LSMEM2: variants seen among roughly 807,000 people sequenced by gnomAD.
LSMEM2 encodes the protein leucine-rich single-pass membrane protein 2.
LSMEM2 carries 20 observed loss-of-function variants against 17.3 expected under a neutral mutation model. The observed-to-expected ratio is 1.16, with a 90% CI of 0.81 to 1.68. LSMEM2 has a LOEUF of 1.68. Ranked by LOEUF, LSMEM2 falls within the 40% of genes most tolerant of loss-of-function variation. The pLI is 0.00. For missense variants in LSMEM2, 207 were observed against 214.3 expected (o/e 0.97, Z 0.21); for synonymous variants, 94 against 97.8 (o/e 0.96, Z 0.23).
chr3:50,278,622 G>A (rs587670746), upstream of LSMEM2, among the ~76,000 whole-genome samples: 5 of 152,308 alleles, frequency 3.3e-5, no homozygotes, highest in African/African-American at 1.2e-4. Flanking sequence ...TCATGGCATT[G>A]GGATTCAGTT....
chr3:50,280,283 T>C (rs1553707601), intron 1 of LSMEM2, among the ~76,000 whole-genome samples: 2 of 151,434 alleles, frequency 1.3e-5, no homozygotes, highest in Non-Finnish European at 2.9e-5. Flanking sequence ...GGCTCCCAAG[T>C]AGCTGGGATT....
At position 50,287,272 on chromosome 3, in the gene LSMEM2, T is replaced by C; in HGVS notation, c.*70T>C. On this transcript the variant is annotated 3_prime_UTR_variant, in exon 4 of 4. Coordinates refer to ENST00000316436, the MANE Select transcript of LSMEM2 (RefSeq NM_153215.3). Reference sequence around the variant, plus strand: ...AATAAAGTGGCTATGGGCAGGTCTCTCCTTCCCTACTGCTGGCTGCCACAT... The same window carrying C: ...AATAAAGTGGCTATGGGCAGGTCTCCCCTTCCCTACTGCTGGCTGCCACAT... 6.3e-7 allele frequency: 1 copy of C among 1,580,476 alleles called. No individual in the cohort carries two copies. Among genetic ancestry groups the C allele is most frequent in the South Asian group, 1.1e-5 (1 of 89,592 alleles).
At chr3:50,278,571 GCTGTT>G (rs879962392), upstream of LSMEM2, among the ~76,000 whole-genome samples, 15,888 of 152,198 alleles carry the variant, frequency 0.1, 905 homozygotes, top group African/African-American at 0.12. Flanking sequence ...CAGCATGGGT[GCTGTT>G]GGTGTATCTG....
intron 1 of LSMEM2, 104 bp from the exon 2 acceptor site, chr3:50,286,367 C>T: frequency 6.9e-7 from 1 of 1,447,606 alleles, no homozygotes; most frequent in Non-Finnish European, 9.1e-7. Context: ...AACCAAATGT[C>T]CCACTATCCC....
At chr3:50,283,817 A>C (rs1363266060) in intron 1 of LSMEM2, among the ~76,000 whole-genome samples, 1 of 151,998 alleles carries the variant, frequency 6.6e-6, no homozygotes, top group Non-Finnish European at 1.5e-5. Context: ...AAAAAGCAAA[A>C]ACTTCAATGA....
upstream of LSMEM2, among the ~76,000 whole-genome samples, chr3:50,278,351 C>T (rs782118041): frequency 5.9e-5 from 9 of 152,188 alleles, no homozygotes; most frequent in Non-Finnish European, 1.3e-4. Flanking sequence ...ACCTGTCTGC[C>T]CTTGTGGAGA....
intron 1 of LSMEM2, among the ~76,000 whole-genome samples, chr3:50,284,354 T>C (rs781844632): frequency 6.6e-6 from 1 of 152,040 alleles, no homozygotes; most frequent in Non-Finnish European, 1.5e-5. Context: ...TTTTTTCCTA[T>C]GGGGATGCCT....
chr3:50,286,048 C>T (rs1701513655), intron 1 of LSMEM2, among the ~76,000 whole-genome samples: 1 of 152,228 alleles, frequency 6.6e-6, no homozygotes, highest in South Asian at 2.1e-4. Context: ...GAACCAAGGC[C>T]AGGAGGGAAA....
At chr3:50,280,879 T>C (rs1176829607) in intron 1 of LSMEM2, among the ~76,000 whole-genome samples, 1 of 150,946 alleles carries the variant, frequency 6.6e-6, no homozygotes, top group Admixed American at 6.6e-5. Flanking sequence ...AGGTGTGAGC[T>C]ACCGCGCCCG....
rs781923861 is a variant in LSMEM2, at chr3:50,279,878, CT to C, written c.58+722del. 2.4e-3 allele frequency among the ~76,000 whole-genome samples: 343 copies of C among 144,030 alleles called. 1 individual carries two copies. The highest frequency in any genetic ancestry group is 3.1e-3 in the Admixed American group (45 of 14,352). The allele number at this position is 144,030 out of a possible 152,430, so 94.5% of individuals were successfully genotyped here. ...CAAGCTCCTCTTATCACATTTTCAA[CT>C]TTTTTTTTTTTTTTGAGATGGAATC... On this transcript the variant is annotated intron_variant, in intron 1 of 3. Transcript: ENST00000316436.
chr3:50,283,626 C>CAA lies in LSMEM2; in HGVS notation c.59-2823_59-2822dup, dbSNP rs782534727. ...TGGGCGGCAGAGCGAGACTCCATCT[C>CAA]AAAAAAAAAAAAAAAAAAAAAAATT... On this transcript the variant is annotated intron_variant, in intron 1 of 3. Transcript: ENST00000316436. Among the ~76,000 whole-genome samples, 187 of 53,326 alleles carry CAA rather than the reference C, an allele frequency of 3.5e-3. 1 individual carries two copies. The highest frequency in any genetic ancestry group is 9.8e-3 in the Middle Eastern group (1 of 102). The allele number at this position is 53,326 out of a possible 152,430, so 35.0% of individuals were successfully genotyped here. A position where few individuals can be genotyped will look rare whatever the true frequency, so the allele number is the denominator to read the frequency against.
At position 50,287,267 on chromosome 3, in the gene LSMEM2, G is replaced by A; in HGVS notation, c.*65G>A. ...GGGGGAATAAAGTGGCTATGGGCAG[G>A]TCTCTCCTTCCCTACTGCTGGCTGC... is the stretch of plus-strand genomic sequence containing the variant. On this transcript the variant is annotated 3_prime_UTR_variant, in exon 4 of 4. Coordinates refer to ENST00000316436, the MANE Select transcript of LSMEM2 (RefSeq NM_153215.3). The A allele has an allele frequency of 1.3e-6, 2 of 1,598,768 alleles. No individual in the cohort carries two copies. The highest frequency in any genetic ancestry group is 1.7e-6 in the Non-Finnish European group (2 of 1,168,694).
intron 1 of LSMEM2, among the ~76,000 whole-genome samples, chr3:50,279,513 G>A (rs1327966184): frequency 6.6e-6 from 1 of 152,240 alleles, no homozygotes; most frequent in Non-Finnish European, 1.5e-5. Context: ...TCTTAAGGAA[G>A]GAAGCTGGGA....
Position 50,286,346 on chromosome 3 carries a change from AG to A in LSMEM2, c.59-121del, listed in dbSNP as rs1357722330. The A allele has an allele frequency of 1.3e-5, 18 of 1,372,740 alleles. No homozygotes were observed. The Admixed American group carries it at 4.7e-4, about 36-fold the overall frequency. 85.0% of individuals were successfully genotyped at this position (1,372,740 alleles called of 1,614,324 possible). ...CAAGGGTAATTCCTGAGTCAGTTTTAGGGGATTTGGAACCAAATGTCCCACT... is the reference window on the plus strand; with the variant it reads ...CAAGGGTAATTCCTGAGTCAGTTTTAGGGATTTGGAACCAAATGTCCCACT... On this transcript the variant is annotated intron_variant, in intron 1 of 3. Coordinates refer to ENST00000316436, the MANE Select transcript of LSMEM2 (RefSeq NM_153215.3).
intron 1 of LSMEM2, among the ~76,000 whole-genome samples, chr3:50,281,351 C>A (rs782307783): frequency 6.9e-6 from 1 of 144,564 alleles, no homozygotes. Context: ...TGGGCCACTG[C>A]GCCCGGCCCT....
chr3:50,280,177 C>CTTTTTTT (rs10656924), intron 1 of LSMEM2, among the ~76,000 whole-genome samples: 100,143 of 117,340 alleles, frequency 0.85, 43,589 homozygotes, highest in East Asian at 0.97. Context: ...CTGGCCTCAA[C>CTTTTTTT]TTTTTTTTTT....
In LSMEM2 at chr3:50,279,092, A is replaced by C. The variant is rs1701333904; in HGVS notation, c.-22A>C. The C allele has an allele frequency of 6.2e-7, 1 of 1,613,814 alleles. No homozygotes were observed. The highest frequency in any genetic ancestry group is 1.7e-5 in the Admixed American group (1 of 60,004). ...GGGCTCACAAAGGAGCCACTGCTGC[A>C]TTTGTCCAGTCCTGCTACTGGATGC... On this transcript the variant is annotated 5_prime_UTR_variant, in exon 1 of 4. Coordinates refer to ENST00000316436, the MANE Select transcript of LSMEM2 (RefSeq NM_153215.3).
At chr3:50,280,845 G>A (rs984822466) in intron 1 of LSMEM2, among the ~76,000 whole-genome samples, 4 of 151,462 alleles carry the variant, frequency 2.6e-5, no homozygotes, top group Non-Finnish European at 5.9e-5. Flanking sequence ...CACCCACTTC[G>A]GCCTCCCAAA....
chr3:50,279,388 C>T (rs1391158180), intron 1 of LSMEM2, among the ~76,000 whole-genome samples: 2 of 152,194 alleles, frequency 1.3e-5, no homozygotes, highest in African/African-American at 4.8e-5. Flanking sequence ...GCTTCAGTTT[C>T]CCCTGCTGGG....
Sources: allele counts gnomAD v4.1 joint callset (sites outside exome capture counted in the v4.1 genomes callset), GRCh38; gene constraint gnomAD v4.1.1; transcripts MANE v1.5; gene names NCBI Gene and HGNC (gene_info 2026-07-23, HGNC 2026-07-21).